The following RNGTT variants were observed in gnomAD, a reference collection of about 807,000 sequenced individuals.
The protein encoded by RNGTT is mRNA-capping enzyme.
RNGTT carries 33 observed loss-of-function variants against 79.3 expected under a neutral mutation model. That is an observed-to-expected ratio of 0.42 (90% CI 0.32 to 0.56). The LOEUF (loss-of-function observed/expected upper bound fraction) is 0.56, where lower values mean the gene tolerates loss of function less well. RNGTT is among the 20% of genes least tolerant of loss of function. RNGTT has a pLI of 0.17. For missense variants in RNGTT, 497 were observed against 739.1 expected (o/e 0.67, Z 3.80); for synonymous variants, 222 against 235.9 (o/e 0.94, Z 0.54).
chr6:88,791,140 CTTTTT>C (rs66559856), intron 12 of RNGTT, among the ~76,000 whole-genome samples: 169 of 120,804 alleles, frequency 1.4e-3, no homozygotes, highest in Middle Eastern at 4.2e-3. Context: ...TCACAAGTAC[CTTTTT>C]TTTTTTTTTT....
At chr6:88,753,495 C>A (rs958210326) in intron 13 of RNGTT, among the ~76,000 whole-genome samples, 1 of 150,926 alleles carries the variant, frequency 6.6e-6, no homozygotes, top group Non-Finnish European at 1.5e-5. Context: ...CAGAGTGAGA[C>A]CCCTGTCTCA....
intron 14 of RNGTT, among the ~76,000 whole-genome samples, chr6:88,649,087 T>C (rs1419666582): frequency 6.6e-6 from 1 of 152,218 alleles, no homozygotes; most frequent in Non-Finnish European, 1.5e-5. Flanking sequence ...TTGGCTTTGT[T>C]ATATGTCATT....
chr6:88,749,558 T>C (rs1373720122), intron 13 of RNGTT, among the ~76,000 whole-genome samples: 2 of 151,830 alleles, frequency 1.3e-5, no homozygotes, highest in Non-Finnish European at 2.9e-5. Flanking sequence ...CAAAATAAGA[T>C]GGCAAAAATT....
At chr6:88,827,490 CAGG>C (rs1439572231) in intron 11 of RNGTT, among the ~76,000 whole-genome samples, 2 of 152,176 alleles carry the variant, frequency 1.3e-5, no homozygotes, top group Non-Finnish European at 2.9e-5. Flanking sequence ...GAGCTAGCTG[CAGG>C]AGTTTTATTT....
At chr6:88,755,943 G>A (rs1229323219) in intron 13 of RNGTT, among the ~76,000 whole-genome samples, 16 of 116,214 alleles carry the variant, frequency 1.4e-4, no homozygotes, top group Non-Finnish European at 2.3e-4. Context: ...CTGGCCAACA[G>A]AGTGAGACTC....
chr6:88,896,248 C>T (rs910480748), intron 6 of RNGTT, among the ~76,000 whole-genome samples: 1 of 152,150 alleles, frequency 6.6e-6, no homozygotes, highest in Non-Finnish European at 1.5e-5. Context: ...GCCCTCCCAA[C>T]CCACAAAGAT....
At chr6:88,962,332 T>TA (rs918236830) in intron 1 of RNGTT, among the ~76,000 whole-genome samples, 28 of 151,584 alleles carry the variant, frequency 1.8e-4, no homozygotes, top group African/African-American at 5.3e-4. Flanking sequence ...GAAAAATAAT[T>TA]AAAAAAAACA....
intron 13 of RNGTT, among the ~76,000 whole-genome samples, chr6:88,737,465 T>C (rs957539795): frequency 2.6e-5 from 4 of 152,174 alleles, no homozygotes; most frequent in South Asian, 4.1e-4. Context: ...ACGATATAAA[T>C]TGGGGGAAGG....
At chr6:88,741,154 A>G (rs1777475405) in intron 13 of RNGTT, among the ~76,000 whole-genome samples, 1 of 152,232 alleles carries the variant, frequency 6.6e-6, no homozygotes, top group Non-Finnish European at 1.5e-5. Context: ...TCACTTGTTC[A>G]TCGTGGCACT....
intron 12 of RNGTT, among the ~76,000 whole-genome samples, chr6:88,796,381 A>G (rs1255390131): frequency 1.3e-5 from 2 of 152,192 alleles, no homozygotes; most frequent in East Asian, 3.8e-4. Flanking sequence ...TAGACTGGAA[A>G]GATAATACAG....
At chr6:88,683,640 A>G (rs983548679) in intron 13 of RNGTT, among the ~76,000 whole-genome samples, 1 of 152,188 alleles carries the variant, frequency 6.6e-6, no homozygotes, top group Non-Finnish European at 1.5e-5. Context: ...ACAGACTGGG[A>G]AAAAAATATT....
Position 88,756,197 on chromosome 6 carries a change from G to A in RNGTT, c.1439+13577C>T, listed in dbSNP as rs184825716. Among the ~76,000 whole-genome samples the A allele has an allele frequency of 1.4e-4, 21 of 151,938 alleles. No individual in the cohort carries two copies. The South Asian group carries it at 3.3e-3, about 24-fold the overall frequency. ...AAAGTTAAAGAGGTAAAATTAGGCCGGGCTTGGTGGCTCATGTCTGTAATC... is the reference window on the plus strand; with the variant it reads ...AAAGTTAAAGAGGTAAAATTAGGCCAGGCTTGGTGGCTCATGTCTGTAATC... On this transcript the variant is annotated intron_variant, in intron 13 of 15. Coordinates refer to ENST00000369485, the MANE Select transcript of RNGTT (RefSeq NM_003800.5).
intron 12 of RNGTT, among the ~76,000 whole-genome samples, chr6:88,775,322 A>G (rs551934241): frequency 6.6e-6 from 1 of 152,286 alleles, no homozygotes; most frequent in South Asian, 2.1e-4. Context: ...ATTGTGCTGT[A>G]CATTAGACCT....
At chr6:88,635,424 C>G (rs1291332309) in intron 14 of RNGTT, among the ~76,000 whole-genome samples, 1 of 151,958 alleles carries the variant, frequency 6.6e-6, no homozygotes, top group Non-Finnish European at 1.5e-5. Context: ...ATCTTTTAAC[C>G]TTCCAAGTCC....
At chr6:88,720,503 T>C (rs7767113) in intron 13 of RNGTT, among the ~76,000 whole-genome samples, 12,305 of 152,106 alleles carry the variant, frequency 0.081, 1,668 homozygotes, top group African/African-American at 0.28. Context: ...ATCCAAACCC[T>C]GGACTTAATT....
intron 14 of RNGTT, among the ~76,000 whole-genome samples, chr6:88,646,479 C>T (rs1372178724): frequency 6.6e-6 from 1 of 152,164 alleles, no homozygotes; most frequent in Non-Finnish European, 1.5e-5. Context: ...TTGACCCAGC[C>T]ATCCCATTAC....
At chr6:88,693,032 T>G (rs75127073) in intron 13 of RNGTT, among the ~76,000 whole-genome samples, 172 of 151,650 alleles carry the variant, frequency 1.1e-3, no homozygotes, top group African/African-American at 4.1e-3. Context: ...AATAAACACC[T>G]AGAGCAAAAA....
intron 2 of RNGTT, among the ~76,000 whole-genome samples, chr6:88,936,990 A>G (rs1171219714): frequency 1.3e-5 from 2 of 152,188 alleles, no homozygotes; most frequent in Non-Finnish European, 2.9e-5. Flanking sequence ...TAGGTTGCAT[A>G]TATCTAGGAA....
At chr6:88,819,476 A>G (rs1345306610) in intron 11 of RNGTT, among the ~76,000 whole-genome samples, 1 of 152,240 alleles carries the variant, frequency 6.6e-6, no homozygotes, top group Non-Finnish European at 1.5e-5. Context: ...TAGGATCTGC[A>G]TTCTCCTAGA....
Sources: allele counts gnomAD v4.1 joint callset (sites outside exome capture counted in the v4.1 genomes callset), GRCh38; gene constraint gnomAD v4.1.1; transcripts MANE v1.5; gene names NCBI Gene and HGNC (gene_info 2026-07-23, HGNC 2026-07-21).